The following UNC13C variants were observed in gnomAD, a reference collection of about 807,000 sequenced individuals.
UNC13C encodes the protein unc-13 homolog C.
A neutral mutation model predicts 245.4 loss-of-function variants in UNC13C; 174 were observed. That is an observed-to-expected ratio of 0.71 (90% confidence interval 0.63 to 0.80). The LOEUF is 0.80. Ranked by LOEUF, UNC13C falls within the 30% of genes least tolerant of loss-of-function variation. The pLI is 0.00. For missense variants in UNC13C, 2,829 were observed against 2,602.9 expected, an observed-to-expected ratio of 1.09 and a Z score of -1.89; for synonymous variants, 992 against 895.1, an observed-to-expected ratio of 1.11 and a Z score of -1.93.
Position 54,355,106 on chromosome 15 carries a change from G to A in UNC13C, c.4713+16617G>A, listed in dbSNP as rs974457985. 3.3e-5 allele frequency among the ~76,000 whole-genome samples: 5 copies of A among 152,000 alleles called. No individual in the cohort carries two copies. The East Asian group carries it at 5.8e-4, about 18-fold the overall frequency. Reference sequence around the variant, plus strand: ...TCTACAGAGAGTCCCCACCAAGAAGGCCTTCACCAGATGTTGCCCCTCAAC... The same window carrying A: ...TCTACAGAGAGTCCCCACCAAGAAGACCTTCACCAGATGTTGCCCCTCAAC... On this transcript the variant is annotated intron_variant, in intron 17 of 32. Transcript: ENST00000260323.
chr15:54,387,557 C>T (rs990512106), intron 17 of UNC13C, among the ~76,000 whole-genome samples: 3 of 152,088 alleles, frequency 2.0e-5, no homozygotes, highest in Non-Finnish European at 2.9e-5. Context: ...CATAACCCCA[C>T]TGATGTGGAG....
At chr15:54,037,903 C>T (rs1896638393) in intron 2 of UNC13C, among the ~76,000 whole-genome samples, 1 of 116,614 alleles carries the variant, frequency 8.6e-6, no homozygotes, top group Non-Finnish European at 2.0e-5. Flanking sequence ...AATCTGTATT[C>T]TTTTACCAAA....
intron 8 of UNC13C, among the ~76,000 whole-genome samples, chr15:54,262,426 T>A (rs775483618): frequency 6.6e-6 from 1 of 152,204 alleles, no homozygotes; most frequent in Non-Finnish European, 1.5e-5. Flanking sequence ...CAGTCACCAC[T>A]GTCCTTTCCA....
At chr15:54,168,732 A>G (rs967228779) in intron 4 of UNC13C, among the ~76,000 whole-genome samples, 5 of 152,224 alleles carry the variant, frequency 3.3e-5, no homozygotes, top group African/African-American at 7.2e-5. Flanking sequence ...AATTTTAAAT[A>G]GAGTTCTAGG....
At chr15:54,633,142 G>A (rs1901487445), downstream of UNC13C, 1 of 151,768 alleles carries the variant, frequency 6.6e-6, no homozygotes, top group Non-Finnish European at 1.5e-5. Context: ...TCCAACCTGG[G>A]CAACAAGAGC....
intron 10 of UNC13C, among the ~76,000 whole-genome samples, chr15:54,273,485 C>G (rs562347456): frequency 6.6e-6 from 1 of 152,164 alleles, no homozygotes; most frequent in Non-Finnish European, 1.5e-5. Context: ...TTTCCCAACT[C>G]TAGCACTCAG....
intron 4 of UNC13C, among the ~76,000 whole-genome samples, chr15:54,197,222 A>G (rs1341156679): frequency 6.6e-6 from 1 of 152,190 alleles, no homozygotes; most frequent in Non-Finnish European, 1.5e-5. Flanking sequence ...CACGCCTGTA[A>G]TCCCAGCACT....
At chr15:54,365,209 A>G (rs1359940471) in intron 17 of UNC13C, among the ~76,000 whole-genome samples, 1 of 151,862 alleles carries the variant, frequency 6.6e-6, no homozygotes, top group Non-Finnish European at 1.5e-5. Flanking sequence ...CTCCCCACTG[A>G]GATCATTTTC....
intron 20 of UNC13C, among the ~76,000 whole-genome samples, chr15:54,498,017 T>C (rs1407845671): frequency 6.6e-6 from 1 of 152,162 alleles, no homozygotes; most frequent in Non-Finnish European, 1.5e-5. Context: ...CTGGAGATTA[T>C]GCTTCTTCAG....
At chr15:54,559,268 C>T (rs1344065999) in intron 29 of UNC13C, among the ~76,000 whole-genome samples, 1 of 151,974 alleles carries the variant, frequency 6.6e-6, no homozygotes, top group Non-Finnish European at 1.5e-5. Context: ...ATGTTCAGGA[C>T]TCCAGGCAAA....
intron 4 of UNC13C, among the ~76,000 whole-genome samples, chr15:54,149,475 A>C (rs554599470): frequency 5.9e-5 from 9 of 152,208 alleles, no homozygotes; most frequent in Admixed American, 5.9e-4. Flanking sequence ...CCAGTGACTC[A>C]TCATGCCCAT....
rs1476058802 is a variant in UNC13C at position 54,553,415 on chromosome 15, TATA to T, written c.5878-2013_5878-2011del. On this transcript the variant is annotated intron_variant, in intron 28 of 32. Transcript: ENST00000260323. Reference sequence around the variant, plus strand: ...GTATATTATATTATATATTGTAATATATAATATTATATATAATATATAATATAA... The same window carrying T: ...GTATATTATATTATATATTGTAATATATATTATATATAATATATAATATAA... 4.0e-4 allele frequency among the ~76,000 whole-genome samples: 52 copies of T among 129,346 alleles called. 1 individual carries two copies. Among genetic ancestry groups the T allele is most frequent in the Non-Finnish European group, 6.0e-4 (38 of 63,524 alleles). The allele number at this position is 129,346 out of a possible 152,430, so 84.9% of individuals were successfully genotyped here. A position where few individuals can be genotyped will look rare whatever the true frequency, so the allele number is the denominator to read the frequency against.
chr15:54,336,685 T>A (rs954390466), intron 16 of UNC13C, among the ~76,000 whole-genome samples: 1 of 152,144 alleles, frequency 6.6e-6, no homozygotes, highest in Non-Finnish European at 1.5e-5. Context: ...GATAACATTT[T>A]ACATATTTAT....
chr15:54,404,636 G>T (rs2040257197), intron 18 of UNC13C, among the ~76,000 whole-genome samples: 1 of 151,742 alleles, frequency 6.6e-6, no homozygotes, highest in Non-Finnish European at 1.5e-5. Flanking sequence ...AGTGTGAGAA[G>T]GGTTAATTTA....
At chr15:54,350,268 G>C (rs1327774033) in intron 17 of UNC13C, among the ~76,000 whole-genome samples, 2 of 152,162 alleles carry the variant, frequency 1.3e-5, no homozygotes, top group Non-Finnish European at 2.9e-5. Context: ...GGGATTACAG[G>C]CGTGAGACCC....
intron 25 of UNC13C, among the ~76,000 whole-genome samples, chr15:54,526,126 G>A (rs62022409): frequency 6.6e-6 from 1 of 152,032 alleles, no homozygotes; most frequent in Non-Finnish European, 1.5e-5. Flanking sequence ...TTGGTTTTAG[G>A]GCCTAGCAAT....
At chr15:54,383,317 A>C (rs1347048364) in intron 17 of UNC13C, among the ~76,000 whole-genome samples, 1 of 152,156 alleles carries the variant, frequency 6.6e-6, no homozygotes, top group East Asian at 1.9e-4. Flanking sequence ...ATGCAACAAC[A>C]CATTAAACAG....
intron 8 of UNC13C, among the ~76,000 whole-genome samples, chr15:54,256,954 C>T (rs910156272): frequency 3.3e-5 from 5 of 152,124 alleles, no homozygotes; most frequent in African/African-American, 7.2e-5. Context: ...CTAAGTTTGG[C>T]GCTCTTTGAA....
chr15:53,905,450 C>G, the UNC13C span, among the ~76,000 whole-genome samples: 6 of 137,504 alleles, frequency 4.4e-5, no homozygotes, highest in Admixed American at 4.5e-4. Context: ...ATTGTTTGGT[C>G]TAAAAATAAA....
Sources: gnomAD v4.1 joint callset for allele counts (sites outside exome capture counted in the v4.1 genomes callset) on GRCh38, gnomAD v4.1.1 for gene constraint, MANE v1.5 for transcripts, NCBI Gene and HGNC (gene_info 2026-07-23, HGNC 2026-07-21) for gene names.